Variants in CPD observed in about 807,000 individuals in gnomAD.
The protein encoded by CPD is metallocarboxypeptidase D.
In CPD, 69 loss-of-function variants were observed where a neutral mutation model predicts 138.3. The observed-to-expected ratio is 0.50, with a 90% CI of 0.41 to 0.61. CPD has a LOEUF of 0.61. CPD is among the 20% of genes least tolerant of loss of function. The pLI is 0.00. For synonymous variants in CPD, 651 were observed against 642.1 expected (o/e 1.01, Z -0.21); for missense variants, 1,432 against 1,733.3 (o/e 0.83, Z 3.09).
At chr17:30,385,438 T>C (rs1911158378) in intron 2 of CPD, 5 of 544,078 alleles carry the variant, frequency 9.2e-6, no homozygotes, top group East Asian at 7.2e-5. Flanking sequence ...ACCACTGTTA[T>C]CTTATCCCAG....
At position 30,467,015 on chromosome 17, in the gene CPD, G is replaced by A. The variant is rs923739276; in HGVS notation, c.*2201G>A. ...TTCCCAGCTTGTATTACCTAGAAGC[G>A]TGAATGTATAGGATACCTGACTACT... On this transcript the variant is annotated 3_prime_UTR_variant, in exon 21 of 21. Coordinates refer to ENST00000225719, the MANE Select transcript of CPD (RefSeq NM_001304.5). 3 of 152,536 alleles carry A rather than the reference G, an allele frequency of 2.0e-5. No homozygotes were observed. The highest frequency in any genetic ancestry group is 4.4e-5 in the Non-Finnish European group (3 of 68,004). 9.4% of individuals were successfully genotyped at this position (152,536 alleles called of 1,614,324 possible). A position where few individuals can be genotyped will look rare whatever the true frequency, so the allele number is the denominator to read the frequency against.
chr17:30,405,356 T>C (rs919048802), intron 2 of CPD, among the ~76,000 whole-genome samples: 1 of 152,170 alleles, frequency 6.6e-6, no homozygotes, highest in African/African-American at 2.4e-5. Flanking sequence ...TTTACCCCTT[T>C]ATCTGTAGCT....
At chr17:30,444,165 T>G in intron 11 of CPD, 194 bp downstream of exon 11, 2 of 464,436 alleles carry the variant, frequency 4.3e-6, no homozygotes, top group Non-Finnish European at 7.6e-6. Flanking sequence ...AAAGGAAAGA[T>G]TCCTGGGGTA....
chr17:30,403,209 C>T (rs1445074091), intron 2 of CPD, among the ~76,000 whole-genome samples: 5 of 152,176 alleles, frequency 3.3e-5, no homozygotes, highest in African/African-American at 1.2e-4. Flanking sequence ...CTTATGTAAG[C>T]TGTAATTCCA....
chr17:30,450,846 G>A (rs965286079), intron 13 of CPD, among the ~76,000 whole-genome samples: 7 of 152,016 alleles, frequency 4.6e-5, no homozygotes, highest in African/African-American at 1.7e-4. Flanking sequence ...GTAACAGGCT[G>A]GAATCTCAAA....
At chr17:30,407,366 T>C (rs1175383359) in intron 2 of CPD, among the ~76,000 whole-genome samples, 9 of 152,230 alleles carry the variant, frequency 5.9e-5, no homozygotes, top group South Asian at 2.1e-4. Context: ...TTATTTCTAG[T>C]TCTAGATCCT....
intron 2 of CPD, among the ~76,000 whole-genome samples, chr17:30,410,638 T>C (rs1911938454): frequency 6.6e-6 from 1 of 152,226 alleles, no homozygotes; most frequent in Admixed American, 6.5e-5. Context: ...TTTTGATCTT[T>C]GTTGGTTTAA....
Position 30,421,481 on chromosome 17 carries a change from T to C in CPD, c.1138-183T>C, listed in dbSNP as rs368600394. ...CTAGTGTCGAGTTCAGACATATGAC[T>C]TAAGTTTAAGGATTTAATACTTCTG... On this transcript the variant is annotated intron_variant, in intron 3 of 20. Coordinates refer to ENST00000225719, the MANE Select transcript of CPD (RefSeq NM_001304.5). Among the ~76,000 whole-genome samples, 35 of 152,344 alleles carry C rather than the reference T, an allele frequency of 2.3e-4. No individual in the cohort carries two copies. The South Asian group carries it at 6.6e-3, about 29-fold the overall frequency.
At chr17:30,385,702 A>T (rs1194041555) in intron 2 of CPD, among the ~76,000 whole-genome samples, 1 of 151,642 alleles carries the variant, frequency 6.6e-6, no homozygotes, top group Non-Finnish European at 1.5e-5. Flanking sequence ...ATCATACCAC[A>T]TGCCATCCGT....
At position 30,379,636 on chromosome 17, in the gene CPD, G is replaced by A. The variant is rs755815841; in HGVS notation, c.656G>A (p.Ser219Asn). 7.3e-6 allele frequency: 11 copies of A among 1,506,978 alleles called. No individual in the cohort carries two copies. In the South Asian group the frequency reaches 1.4e-4, roughly 19 times the overall value. The allele number at this position is 1,506,978 out of a possible 1,614,324, so 93.4% of individuals were successfully genotyped here. Residue 219 changes from serine to asparagine, a missense_variant, in exon 1 of 21, where the codon AGC becomes AAC. By Grantham distance (46) the Ser-to-Asn change is conservative. This residue lies in a region of CPD where 484 missense variants were observed against 477.2 expected (regional missense o/e 1.01). Coordinates refer to ENST00000225719, the MANE Select transcript of CPD (RefSeq NM_001304.5). The surrounding 1 kb of genome is among the most constrained non-coding windows in gnomAD (Gnocchi z 7.0). ...DNSRGRDLNR[S>N]FPDQFSTGEP... ...AGTCGCGGCCGCGACCTCAACCGAA[G>A]CTTTCCCGACCAGTTTAGCACCGGC...
At chr17:30,426,199 C>CA (rs35054719) in intron 6 of CPD, among the ~76,000 whole-genome samples, 3,166 of 105,264 alleles carry the variant, frequency 0.03, 93 homozygotes, top group African/African-American at 0.073. Context: ...GGCTCCGTCT[C>CA]AAAAAAAAAA....
At chr17:30,462,180 G>A in intron 19 of CPD, 118 bp downstream of exon 19, 1 of 1,118,366 alleles carries the variant, frequency 8.9e-7, no homozygotes. Flanking sequence ...AAGTGTGACT[G>A]CCTCTTGATT....
intron 4 of CPD, 146 bp from the exon 5 acceptor site, chr17:30,422,527 CT>C (rs1912292743): frequency 1.7e-6 from 1 of 572,340 alleles, no homozygotes; most frequent in African/African-American, 1.9e-5. Flanking sequence ...TCCTAAAACT[CT>C]TAAATTTACA....
At chr17:30,409,103 A>G (rs1646895887) in intron 2 of CPD, among the ~76,000 whole-genome samples, 1 of 127,062 alleles carries the variant, frequency 7.9e-6, no homozygotes. Flanking sequence ...TTCAGTATCT[A>G]TTGAGATAAT....
intron 2 of CPD, among the ~76,000 whole-genome samples, chr17:30,388,868 G>A (rs965994516): frequency 2.0e-5 from 3 of 152,194 alleles, no homozygotes; most frequent in Non-Finnish European, 4.4e-5. Flanking sequence ...GGAGTGTCAG[G>A]CTGGGAGGTC....
intron 14 of CPD, chr17:30,454,481 A>C (rs953951980): frequency 3.3e-5 from 5 of 152,304 alleles, no homozygotes; most frequent in East Asian, 1.9e-4. Context: ...TCATATCACT[A>C]TCAGCATTTT....
At chr17:30,462,845 A>G (rs1217039443) in intron 20 of CPD, among the ~76,000 whole-genome samples, 1 of 152,164 alleles carries the variant, frequency 6.6e-6, no homozygotes, top group Non-Finnish European at 1.5e-5. Context: ...TATAGATATT[A>G]TATTAGCTGA....
chr17:30,458,657 A>C (rs530959325), intron 17 of CPD, among the ~76,000 whole-genome samples: 1 of 152,182 alleles, frequency 6.6e-6, no homozygotes, highest in Non-Finnish European at 1.5e-5. Context: ...ATTTGATGTC[A>C]GGAGTTCAAG....
intron 2 of CPD, among the ~76,000 whole-genome samples, chr17:30,413,992 T>TA (rs879591649): frequency 6.6e-6 from 1 of 152,128 alleles, no homozygotes; most frequent in Admixed American, 6.5e-5. Context: ...AGGAGGTACT[T>TA]AGAGTATCCC....
Sources: allele counts gnomAD v4.1 joint callset (sites outside exome capture counted in the v4.1 genomes callset), GRCh38; gene constraint gnomAD v4.1.1; regional missense constraint gnomAD v4.1.1; non-coding constraint Gnocchi (gnomAD v3.1); transcripts MANE v1.5; gene names NCBI Gene and HGNC (gene_info 2026-07-23, HGNC 2026-07-21).